Variants in CSMD2 observed in about 807,000 individuals in gnomAD.
CSMD2 encodes the protein CUB and Sushi multiple domains 2.
CSMD2 carries 130 observed loss-of-function variants against 398.5 expected under a neutral mutation model. That is an observed-to-expected ratio of 0.33 (90% CI 0.28 to 0.38). The LOEUF (loss-of-function observed/expected upper bound fraction) is 0.38, where lower values mean the gene tolerates loss of function less well. Among genes scored for constraint, CSMD2 ranks in the 10% least tolerant of loss-of-function variants. The pLI, the probability that CSMD2 is intolerant of heterozygous loss-of-function variation, is 1.00. For synonymous variants in CSMD2, 1,828 were observed against 1,908.5 expected (o/e 0.96, Z 1.10); for missense variants, 3,829 against 4,764.9 (o/e 0.80, Z 5.78).
intron 15 of CSMD2, among the ~76,000 whole-genome samples, chr1:33,731,614 C>T (rs1246206942): frequency 2.6e-5 from 4 of 152,076 alleles, no homozygotes; most frequent in Non-Finnish European, 2.9e-5. Context: ...AGATAAATGA[C>T]CCGACTTCTG....
chr1:33,744,106 G>A (rs985171909), intron 13 of CSMD2, among the ~76,000 whole-genome samples: 9 of 152,100 alleles, frequency 5.9e-5, no homozygotes, highest in Non-Finnish European at 8.8e-5. Flanking sequence ...GAAACACTGC[G>A]TCTTCGTGCT....
chr1:34,129,011 C>CACA lies in CSMD2; in HGVS notation c.187+35899_187+35900insTGT, dbSNP rs59942525. 7.1e-3 allele frequency among the ~76,000 whole-genome samples: 1,061 copies of CACA among 149,988 alleles called. 9 individuals are homozygous for CACA. Among genetic ancestry groups the CACA allele is most frequent in the African/African-American group, 0.016 (640 of 40,810 alleles). The stretch of plus-strand genomic sequence containing the variant: ...CCACTACATACATGTGTACCCCCCC[C>CACA]CACACACACACACATATACATTTTG... On this transcript the variant is annotated intron_variant, in intron 1 of 70. Transcript: ENST00000373381.
intron 2 of CSMD2, among the ~76,000 whole-genome samples, chr1:34,083,103 A>G (rs965317063): frequency 1.3e-5 from 2 of 152,036 alleles, no homozygotes; most frequent in African/African-American, 4.8e-5. Context: ...AAAAGAAATC[A>G]AGGAAGCAGA....
At chr1:33,570,166 C>CTTTTTTTTT (rs5773416) in intron 51 of CSMD2, among the ~76,000 whole-genome samples, 17 of 117,294 alleles carry the variant, frequency 1.4e-4, no homozygotes, top group East Asian at 2.6e-4. Flanking sequence ...CGGACATTGG[C>CTTTTTTTTT]TTTTTTTTTT....
chr1:33,636,650 A>T lies in CSMD2; in HGVS notation c.4775-96T>A. 1.0e-6 allele frequency: 1 copy of T among 995,506 alleles called. No homozygotes were observed. The highest frequency in any genetic ancestry group is 1.5e-5 in the South Asian group (1 of 65,958). The allele number at this position is 995,506 out of a possible 1,614,324, so 61.7% of individuals were successfully genotyped here. On this transcript the variant is annotated intron_variant, in intron 29 of 70. Coordinates refer to ENST00000373381, the MANE Select transcript of CSMD2 (RefSeq NM_001281956.2). The surrounding 1 kb of genome is among the most constrained non-coding windows in gnomAD (Gnocchi z 4.8). Reference sequence around the variant, plus strand: ...TGCCCATGAGGAGAACCCGACTTTAATTAGCCACAGAGCACACGGGGATGC... The same window carrying T: ...TGCCCATGAGGAGAACCCGACTTTATTTAGCCACAGAGCACACGGGGATGC...
At chr1:33,756,441 T>C (rs1297486653) in intron 13 of CSMD2, among the ~76,000 whole-genome samples, 2 of 152,148 alleles carry the variant, frequency 1.3e-5, no homozygotes, top group African/African-American at 2.4e-5. Context: ...AAGGAATGAA[T>C]GGCATAGAGG....
At chr1:33,618,429 A>G (rs1349870250) in intron 37 of CSMD2, among the ~76,000 whole-genome samples, 4 of 152,066 alleles carry the variant, frequency 2.6e-5, no homozygotes, top group East Asian at 3.9e-4. Flanking sequence ...ATGGCCTATA[A>G]TATGGAATCC....
Position 34,092,765 on chromosome 1 carries a change from G to A in CSMD2, c.188-3572C>T, listed in dbSNP as rs529961359. ...CCTGGCTCGGAGGGTCCTACCCCAC[G>A]GAGTCTCGCTGATTGCTAGCACAGC... On this transcript the variant is annotated intron_variant, in intron 1 of 70. Coordinates refer to ENST00000373381, the MANE Select transcript of CSMD2 (RefSeq NM_001281956.2). 7.5e-3 allele frequency among the ~76,000 whole-genome samples: 1,135 copies of A among 151,558 alleles called. 2 individuals carry two copies. The highest frequency in any genetic ancestry group is 0.012 in the Non-Finnish European group (811 of 67,818).
intron 1 of CSMD2, among the ~76,000 whole-genome samples, chr1:34,118,062 A>G (rs1661786292): frequency 6.6e-6 from 1 of 152,004 alleles, no homozygotes; most frequent in Non-Finnish European, 1.5e-5. Context: ...AAAAATAAAA[A>G]TAAATTAGCT....
intron 49 of CSMD2, among the ~76,000 whole-genome samples, chr1:33,576,082 C>T (rs1235223744): frequency 2.6e-5 from 4 of 152,108 alleles, no homozygotes; most frequent in African/African-American, 9.7e-5. Flanking sequence ...CAATCAGTAT[C>T]GACAGCTGTC....
intron 3 of CSMD2, among the ~76,000 whole-genome samples, chr1:33,952,010 C>T (rs1021561710): frequency 2.6e-5 from 4 of 152,302 alleles, no homozygotes; most frequent in East Asian, 1.9e-4. Context: ...CCCTCTCCTC[C>T]GTGGAGCCAA....
intron 57 of CSMD2, among the ~76,000 whole-genome samples, chr1:33,543,489 G>T (rs1181699608): frequency 6.6e-6 from 1 of 152,206 alleles, no homozygotes; most frequent in African/African-American, 2.4e-5. Flanking sequence ...GTATTCATAG[G>T]TGGTTTTGGG....
rs1436975197 is a variant in CSMD2, at chr1:33,635,599, C to A, written c.4970-269G>T. Among the ~76,000 whole-genome samples the A allele has an allele frequency of 6.6e-6, 1 of 152,190 alleles. No homozygotes were observed. The highest frequency in any genetic ancestry group is 1.5e-5 in the Non-Finnish European group (1 of 68,014). On this transcript the variant is annotated intron_variant, in intron 30 of 70. Coordinates refer to ENST00000373381, the MANE Select transcript of CSMD2 (RefSeq NM_001281956.2). This position sits in a 1 kb window ranked among gnomAD's most constrained non-coding sequence, Gnocchi z 5.0. ...CTTGCCCTCTACCTATTAACCCTGGCATTGGTCCCTGAAGTCACAGCCTTA... is the reference window on the plus strand; with the variant it reads ...CTTGCCCTCTACCTATTAACCCTGGAATTGGTCCCTGAAGTCACAGCCTTA...
chr1:33,720,958 C>G (rs1646340572), intron 19 of CSMD2, among the ~76,000 whole-genome samples: 1 of 152,138 alleles, frequency 6.6e-6, no homozygotes, highest in Non-Finnish European at 1.5e-5. Flanking sequence ...GCCTTGACAC[C>G]CAAAGTGCTG....
chr1:34,148,279 C>T (rs1052483687), intron 1 of CSMD2, among the ~76,000 whole-genome samples: 66 of 152,150 alleles, frequency 4.3e-4, no homozygotes, highest in African/African-American at 1.6e-3. Flanking sequence ...CAGAATTTTC[C>T]TGAAACACAG....
At chr1:33,642,997 G>A (rs1321480318) in intron 29 of CSMD2, among the ~76,000 whole-genome samples, 1 of 152,120 alleles carries the variant, frequency 6.6e-6, no homozygotes, top group East Asian at 1.9e-4. Context: ...TCTCTATGTG[G>A]GGCGCTCGTA....
chr1:34,159,119 TGA>T (rs1427749277), intron 1 of CSMD2, among the ~76,000 whole-genome samples: 1 of 152,046 alleles, frequency 6.6e-6, no homozygotes. Flanking sequence ...GCACACTTAC[TGA>T]GTGTCCACTA....
intron 2 of CSMD2, among the ~76,000 whole-genome samples, chr1:34,033,976 G>A (rs1167460875): frequency 1.3e-5 from 2 of 151,984 alleles, no homozygotes; most frequent in African/African-American, 4.8e-5. Flanking sequence ...TTATGCAGCA[G>A]GCAACCAAAT....
At chr1:33,646,520 A>G in intron 29 of CSMD2, 128 bp downstream of exon 29, 2 of 948,280 alleles carry the variant, frequency 2.1e-6, no homozygotes, top group East Asian at 4.9e-5. Context: ...TGCAGGCGGC[A>G]GCAGTGCTAG....
Sources: allele counts gnomAD v4.1 joint callset (sites outside exome capture counted in the v4.1 genomes callset), GRCh38; gene constraint gnomAD v4.1.1; non-coding constraint Gnocchi (gnomAD v3.1); transcripts MANE v1.5; gene names NCBI Gene and HGNC (gene_info 2026-07-23, HGNC 2026-07-21).